The following COBLL1 variants were observed in gnomAD, a reference collection of about 807,000 sequenced individuals.
COBLL1 encodes the protein cordon-bleu protein-like 1.
COBLL1 carries 50 observed loss-of-function variants against 94.8 expected under a neutral mutation model. The observed-to-expected ratio is 0.53, with a 90% CI of 0.42 to 0.67. The LOEUF is 0.67. Among genes scored for constraint, COBLL1 ranks in the 30% least tolerant of loss-of-function variants. COBLL1 has a pLI of 0.00. For missense variants in COBLL1, 1,362 were observed against 1,348.7 expected, an observed-to-expected ratio of 1.01 and a Z score of -0.15; for synonymous variants, 448 against 473.8, an observed-to-expected ratio of 0.95 and a Z score of 0.71.
intron 2 of COBLL1, among the ~76,000 whole-genome samples, chr2:164,780,332 G>C (rs1049168671): frequency 6.6e-6 from 1 of 152,104 alleles, no homozygotes; most frequent in African/African-American, 2.4e-5. Flanking sequence ...GAACATAAGA[G>C]GCCTTTGTAG....
Position 164,704,514 on chromosome 2 carries a change from T to C in COBLL1, c.1155A>G (p.Leu385=), listed in dbSNP as rs1304967618. The C allele has an allele frequency of 1.4e-5, 23 of 1,612,114 alleles. No individual in the cohort carries two copies. Among genetic ancestry groups the C allele is most frequent in the Non-Finnish European group, 2.0e-5 (23 of 1,178,334 alleles). The change falls in exon 9 of 14, where the codon TTA becomes TTG. Residue 385 remains leucine, a synonymous_variant. Coordinates refer to ENST00000652658, the MANE Select transcript of COBLL1 (RefSeq NM_001365672.2). The part of the protein sequence containing the change: ...QSDENSRVTA[L]QPVDGVPPDS... ...CTGGAGGAACTCCATCTACTGGCTG[T>C]AAGGCTAAAGGAAAGAAGCAACACA...
At chr2:164,800,463 T>C in intron 2 of COBLL1, 2 of 674,900 alleles carry the variant, frequency 3.0e-6, no homozygotes, top group Non-Finnish European at 2.7e-6. Flanking sequence ...TCATGCACTC[T>C]TGGTGGAATG....
intron 2 of COBLL1, among the ~76,000 whole-genome samples, chr2:164,805,257 A>G (rs1684033594): frequency 7.2e-6 from 1 of 139,416 alleles, no homozygotes; most frequent in African/African-American, 2.7e-5. Context: ...CAACTAATGA[A>G]CCAATACTGA....
intron 2 of COBLL1, among the ~76,000 whole-genome samples, chr2:164,747,910 G>A (rs78854986): frequency 0.015 from 2,246 of 152,206 alleles, 51 homozygotes; most frequent in African/African-American, 0.051. Flanking sequence ...CAGTGAATGT[G>A]CAATACAACC....
chr2:164,740,466 C>T lies in COBLL1; in HGVS notation c.230+3221G>A, dbSNP rs533752551. 7.2e-5 allele frequency among the ~76,000 whole-genome samples: 11 copies of T among 152,288 alleles called. No individual in the cohort carries two copies. The South Asian group carries it at 1.9e-3, about 26-fold the overall frequency. ...CAGAATTTGGGGCATTCCATTCCTA[C>T]CTTGCTCTCTGCCTGGAGAAAATAT... On this transcript the variant is annotated intron_variant, in intron 3 of 13. Transcript: ENST00000652658.
At chr2:164,787,452 T>C (rs1469991614) in intron 2 of COBLL1, among the ~76,000 whole-genome samples, 1 of 151,846 alleles carries the variant, frequency 6.6e-6, no homozygotes, top group Non-Finnish European at 1.5e-5. Context: ...TATGAGATGA[T>C]GAATATGTTA....
At chr2:164,818,205 T>C (rs989073331) in intron 2 of COBLL1, among the ~76,000 whole-genome samples, 6 of 143,024 alleles carry the variant, frequency 4.2e-5, no homozygotes, top group African/African-American at 1.6e-4. Context: ...TGTATACATA[T>C]GTGTGTATAT....
At chr2:164,831,394 T>C (rs1683068158) in intron 2 of COBLL1, among the ~76,000 whole-genome samples, 1 of 151,544 alleles carries the variant, frequency 6.6e-6, no homozygotes, top group South Asian at 2.1e-4. Context: ...AAATTTTATT[T>C]AAATTATCTA....
chr2:164,665,053 G>T (rs1226801244), intron 2 of COBLL1, among the ~76,000 whole-genome samples: 1 of 152,136 alleles, frequency 6.6e-6, no homozygotes, highest in Admixed American at 6.6e-5. Context: ...AAAGTGGGTC[G>T]GGCACAGTGG....
At chr2:164,737,596 A>G (rs190699131) in intron 3 of COBLL1, among the ~76,000 whole-genome samples, 58 of 149,968 alleles carry the variant, frequency 3.9e-4, no homozygotes, top group African/African-American at 1.3e-3. Context: ...TTGACAGTTA[A>G]AAAAAAATTA....
chr2:164,694,432 G>A lies in COBLL1; in HGVS notation c.2960C>T (p.Pro987Leu). Residue 987 changes from proline to leucine, a missense_variant, in exon 12 of 14, where the codon CCG (proline) becomes CTG (leucine). By Grantham distance (98) the Pro-to-Leu change is moderately conservative. Coordinates refer to ENST00000652658, the MANE Select transcript of COBLL1 (RefSeq NM_001365672.2). ...PRPYSSSGPSPFALAVVKRSQ... is the reference protein window; with the variant it reads ...PRPYSSSGPSLFALAVVKRSQ... ...CCTTTTCACTACAGCAAGAGCAAAC[G>A]GTGAAGGACCAGAACTTGAGTATGG... is the stretch of plus-strand genomic sequence containing the variant. 3 of 1,613,898 alleles carry A rather than the reference G, an allele frequency of 1.9e-6. No individual in the cohort carries two copies. The highest frequency in any genetic ancestry group is 3.3e-4 in the Middle Eastern group (2 of 6,060).
chr2:164,711,379 A>T (rs1558943650), intron 7 of COBLL1, among the ~76,000 whole-genome samples: 1 of 152,196 alleles, frequency 6.6e-6, no homozygotes, highest in African/African-American at 2.4e-5. Flanking sequence ...GGTATTTAAG[A>T]TTGTACTCTC....
intron 2 of COBLL1, among the ~76,000 whole-genome samples, chr2:164,784,355 A>T: frequency 6.6e-6 from 1 of 152,128 alleles, no homozygotes; most frequent in African/African-American, 2.4e-5. Context: ...TTCTATTTTT[A>T]TATCTGCATT....
At chr2:164,715,512 C>T (rs529448660) in intron 7 of COBLL1, among the ~76,000 whole-genome samples, 5 of 152,110 alleles carry the variant, frequency 3.3e-5, no homozygotes, top group African/African-American at 9.6e-5. Flanking sequence ...ACCTTACATA[C>T]TCTATGTAAA....
intron 3 of COBLL1, among the ~76,000 whole-genome samples, chr2:164,735,304 A>T (rs1686240681): frequency 6.6e-6 from 1 of 152,240 alleles, no homozygotes; most frequent in Non-Finnish European, 1.5e-5. Context: ...ATGCTTTAGA[A>T]AAAAGTAACA....
At chr2:164,699,522 T>C in intron 10 of COBLL1, 23 bp from the exon 11 acceptor site, 2 of 1,412,052 alleles carry the variant, frequency 1.4e-6, no homozygotes, top group Non-Finnish European at 1.0e-6. Flanking sequence ...ACATTGTATG[T>C]TATATGTTGA....
At chr2:164,825,659 A>C (rs1234642485) in intron 2 of COBLL1, among the ~76,000 whole-genome samples, 3 of 152,220 alleles carry the variant, frequency 2.0e-5, no homozygotes, top group African/African-American at 7.2e-5. Context: ...TACTCTATTA[A>C]AAGCTTTTAG....
intron 7 of COBLL1, among the ~76,000 whole-genome samples, chr2:164,721,520 A>G (rs1685439723): frequency 6.6e-6 from 1 of 152,226 alleles, no homozygotes; most frequent in Non-Finnish European, 1.5e-5. Context: ...TGCTTTGAAG[A>G]TAAGGGTGCA....
chr2:164,756,909 G>C (rs538239028), intron 2 of COBLL1, among the ~76,000 whole-genome samples: 1 of 152,274 alleles, frequency 6.6e-6, no homozygotes, highest in African/African-American at 2.4e-5. Flanking sequence ...ACTGGAACTT[G>C]AATTGCAAAA....
Sources: allele counts gnomAD v4.1 joint callset (sites outside exome capture counted in the v4.1 genomes callset), GRCh38; gene constraint gnomAD v4.1.1; transcripts MANE v1.5; gene names NCBI Gene and HGNC (gene_info 2026-07-23, HGNC 2026-07-21).